SH3KBP1: variants seen among roughly 807,000 people sequenced by gnomAD.
SH3KBP1 encodes SH3 domain containing kinase binding protein 1.
SH3KBP1 carries 8 observed loss-of-function variants against 50.1 expected under a neutral mutation model. The ratio of observed to expected loss-of-function variants is 0.16; its 90% CI spans 0.09 to 0.29. The LOEUF (loss-of-function observed/expected upper bound fraction) is 0.29. Among genes scored for constraint, SH3KBP1 ranks in the 10% least tolerant of loss-of-function variants. The pLI is 1.00. For missense variants in SH3KBP1, 377 were observed against 535.2 expected (o/e 0.70, Z 2.92); for synonymous variants, 227 against 218.6 (o/e 1.04, Z -0.34).
chrX:19,635,477 C>T (rs2061679830), intron 7 of SH3KBP1, among the ~76,000 whole-genome samples: 1 of 108,980 alleles, frequency 9.2e-6, no homozygotes, highest in African/African-American at 3.3e-5. Flanking sequence ...CAGCAAACCA[C>T]CATGGCACAC....
At chrX:19,820,373 G>T (rs4825316) in intron 2 of SH3KBP1, among the ~76,000 whole-genome samples, 28,454 of 110,071 alleles carry the variant, frequency 0.26, 4,505 homozygotes, top group African/African-American at 0.6. Flanking sequence ...CTCCATATAT[G>T]TTGCAGCTCT....
intron 3 of SH3KBP1, among the ~76,000 whole-genome samples, chrX:19,735,023 G>A (rs915785156): frequency 8.9e-6 from 1 of 111,873 alleles, no homozygotes; most frequent in Non-Finnish European, 1.9e-5. Flanking sequence ...TCTAGAGTCT[G>A]GAATACTGGG....
At chrX:19,598,619 A>G (rs949765329) in intron 9 of SH3KBP1, among the ~76,000 whole-genome samples, 8 of 111,410 alleles carry the variant, frequency 7.2e-5, no homozygotes, top group African/African-American at 2.3e-4. Flanking sequence ...TTGAACACTT[A>G]CAGGCTATCA....
At chrX:19,800,340 A>G (rs918413074) in intron 2 of SH3KBP1, among the ~76,000 whole-genome samples, 1 of 112,310 alleles carries the variant, frequency 8.9e-6, no homozygotes, top group African/African-American at 3.2e-5. Flanking sequence ...CAGAATGTCT[A>G]TTTGGCTCAG....
chrX:19,543,408 G>C (rs748905252), intron 15 of SH3KBP1, among the ~76,000 whole-genome samples: 14 of 111,856 alleles, frequency 1.3e-4, no homozygotes, highest in Non-Finnish European at 1.9e-4. Context: ...TGAAGCAGAA[G>C]ACAGGCCTGG....
intron 3 of SH3KBP1, among the ~76,000 whole-genome samples, chrX:19,744,303 A>G (rs1190391291): frequency 8.9e-6 from 1 of 112,321 alleles, no homozygotes; most frequent in African/African-American, 3.2e-5. Context: ...TTGGGTGGGA[A>G]AAAAATGTAG....
chrX:19,670,231 G>T, intron 6 of SH3KBP1: 1 of 261,763 alleles, frequency 3.8e-6, no homozygotes, highest in Non-Finnish European at 5.3e-6. Context: ...ACCTATAAAT[G>T]CCCCGCACTA....
chrX:19,832,651 G>A (rs955051193), intron 2 of SH3KBP1, among the ~76,000 whole-genome samples: 3 of 108,016 alleles, frequency 2.8e-5, no homozygotes, highest in Admixed American at 9.8e-5. Context: ...GCCTCCCCCC[G>A]CCCCCCAATC....
intron 1 of SH3KBP1, among the ~76,000 whole-genome samples, chrX:19,849,486 C>CAAGTGATCTTG (rs1259701088): frequency 1.8e-5 from 2 of 109,814 alleles, no homozygotes; most frequent in African/African-American, 6.6e-5. Flanking sequence ...GTCAGGAGTT[C>CAAGTGATCTTG]AAGACCAGCC....
intron 7 of SH3KBP1, among the ~76,000 whole-genome samples, chrX:19,644,119 T>C (rs766882518): frequency 2.7e-5 from 3 of 111,522 alleles, no homozygotes; most frequent in Non-Finnish European, 5.6e-5. Context: ...TGGAACTGTG[T>C]TCATTTTCAA....
chrX:19,747,189 TAATC>T (rs1258978795), intron 2 of SH3KBP1, among the ~76,000 whole-genome samples: 1 of 112,519 alleles, frequency 8.9e-6, no homozygotes, highest in Non-Finnish European at 1.9e-5. Flanking sequence ...GGTAGACTCT[TAATC>T]AAAGCTCCAT....
intron 13 of SH3KBP1, among the ~76,000 whole-genome samples, chrX:19,557,954 C>T (rs919122973): frequency 8.9e-6 from 1 of 112,112 alleles, no homozygotes; most frequent in Admixed American, 9.5e-5. Flanking sequence ...AGGGGGGACA[C>T]GTCTTACTGT....
intron 3 of SH3KBP1, among the ~76,000 whole-genome samples, chrX:19,745,821 T>C (rs144410509): frequency 8.9e-6 from 1 of 112,769 alleles, no homozygotes; most frequent in Non-Finnish European, 1.9e-5. Flanking sequence ...GAAAACAAGA[T>C]TGTTAAAGGT....
intron 3 of SH3KBP1, among the ~76,000 whole-genome samples, chrX:19,720,034 G>C (rs1217640689): frequency 9.1e-6 from 1 of 109,597 alleles, no homozygotes; most frequent in Non-Finnish European, 1.9e-5. Flanking sequence ...TTTCCAAGGG[G>C]CTTACTTCCA....
chrX:19,667,619 ACT>A (rs1273297333), intron 6 of SH3KBP1, among the ~76,000 whole-genome samples: 29 of 110,812 alleles, frequency 2.6e-4, no homozygotes, highest in Non-Finnish European at 3.0e-4. Flanking sequence ...ACAGAGTGAG[ACT>A]CTGTCTCAAA....
chrX:19,597,873 G>C (rs1160431833), intron 9 of SH3KBP1, among the ~76,000 whole-genome samples: 1 of 112,727 alleles, frequency 8.9e-6, no homozygotes, highest in Non-Finnish European at 1.9e-5. Flanking sequence ...GAAAGTCCTA[G>C]ATTATCTCTT....
intron 5 of SH3KBP1, chrX:19,694,858 G>T: frequency 2.1e-6 from 1 of 469,148 alleles, no homozygotes; most frequent in Non-Finnish European, 3.6e-6. Context: ...AGGAAATTCT[G>T]CAACCCCAGG....
chrX:19,624,248 AG>A (rs2067941453), intron 8 of SH3KBP1, among the ~76,000 whole-genome samples: 1 of 111,863 alleles, frequency 8.9e-6, no homozygotes, highest in Non-Finnish European at 1.9e-5. Flanking sequence ...CAGAAAAAAA[AG>A]GGGAGTTTCT....
chrX:19,742,275 A>AT (rs939149664), intron 3 of SH3KBP1, among the ~76,000 whole-genome samples: 4 of 108,685 alleles, frequency 3.7e-5, no homozygotes, highest in Non-Finnish European at 7.7e-5. Context: ...TAATTGTTTT[A>AT]TTTTTTTTAG....
Sources: allele counts gnomAD v4.1 joint callset (sites outside exome capture counted in the v4.1 genomes callset), GRCh38; gene constraint gnomAD v4.1.1; transcripts MANE v1.5; gene names NCBI Gene and HGNC (gene_info 2026-07-23, HGNC 2026-07-21).